Variants in SNX13 observed in about 807,000 individuals in gnomAD.
SNX13 encodes the protein sorting nexin-13.
A neutral mutation model predicts 133.6 loss-of-function variants in SNX13; 45 were observed. The observed-to-expected ratio is 0.34, with a 90% CI of 0.27 to 0.43. The LOEUF is 0.43. Ranked by LOEUF, SNX13 falls within the 20% of genes least tolerant of loss-of-function variation. The pLI is 1.00. For synonymous variants in SNX13, 414 were observed against 373.9 expected, an observed-to-expected ratio of 1.11 and a Z score of -1.24; for missense variants, 1,032 against 1,145.1, an observed-to-expected ratio of 0.90 and a Z score of 1.43.
chr7:17,907,737 G>T (rs913607059), intron 1 of SNX13, among the ~76,000 whole-genome samples: 1 of 152,086 alleles, frequency 6.6e-6, no homozygotes, highest in African/African-American at 2.4e-5. Flanking sequence ...CTGCCATTTT[G>T]ATTAAAGTTG....
chr7:17,838,642 T>C (rs80021976), intron 13 of SNX13, among the ~76,000 whole-genome samples: 1,753 of 152,014 alleles, frequency 0.012, 29 homozygotes, highest in African/African-American at 0.04. Context: ...ATCTCATGAA[T>C]TGATACAATG....
At chr7:17,826,555 C>T (rs1583384684) in intron 16 of SNX13, among the ~76,000 whole-genome samples, 1 of 151,998 alleles carries the variant, frequency 6.6e-6, no homozygotes, top group East Asian at 1.9e-4. Flanking sequence ...GAGAATACTA[C>T]CTAAGTCAGA....
chr7:17,905,098 A>C (rs1211598411), intron 1 of SNX13, among the ~76,000 whole-genome samples: 1 of 152,224 alleles, frequency 6.6e-6, no homozygotes, highest in Non-Finnish European at 1.5e-5. Context: ...TGATGGCTTC[A>C]GATACAATGC....
chr7:17,896,726 T>C (rs758204313), intron 2 of SNX13, among the ~76,000 whole-genome samples: 5 of 152,172 alleles, frequency 3.3e-5, no homozygotes, highest in Admixed American at 6.5e-5. Context: ...TATTTTCTAA[T>C]ATTTCCTTGT....
At chr7:17,934,609 T>C (rs1051495625) in intron 1 of SNX13, among the ~76,000 whole-genome samples, 3 of 152,174 alleles carry the variant, frequency 2.0e-5, no homozygotes, top group Non-Finnish European at 4.4e-5. Flanking sequence ...ACTTTTCCAC[T>C]CCACAACTTG....
intron 1 of SNX13, among the ~76,000 whole-genome samples, chr7:17,908,181 G>A (rs17717199): frequency 0.068 from 10,380 of 152,118 alleles, 488 homozygotes; most frequent in South Asian, 0.15. Context: ...TTATCCTCTT[G>A]GAATTTTTCA....
intron 1 of SNX13, among the ~76,000 whole-genome samples, chr7:17,910,348 T>TG (rs1798829918): frequency 6.6e-6 from 1 of 152,168 alleles, no homozygotes; most frequent in African/African-American, 2.4e-5. Context: ...AAAAATCTGT[T>TG]GCAAAAGATG....
At chr7:17,915,188 C>T (rs745741095) in intron 1 of SNX13, among the ~76,000 whole-genome samples, 2 of 152,204 alleles carry the variant, frequency 1.3e-5, no homozygotes, top group Non-Finnish European at 2.9e-5. Context: ...AATATACACA[C>T]ACCCAACATT....
chr7:17,912,323 C>G (rs888208960), intron 1 of SNX13, among the ~76,000 whole-genome samples: 1 of 152,048 alleles, frequency 6.6e-6, no homozygotes, highest in Non-Finnish European at 1.5e-5. Flanking sequence ...AACACTGACA[C>G]TAAACTGGGA....
chr7:17,864,821 G>T (rs1336887158), intron 9 of SNX13, among the ~76,000 whole-genome samples: 1 of 118,358 alleles, frequency 8.4e-6, no homozygotes, highest in African/African-American at 3.5e-5. Flanking sequence ...AGGGAAGGAG[G>T]AAGAGGAAGA....
intron 1 of SNX13, among the ~76,000 whole-genome samples, chr7:17,913,765 A>C (rs1038598587): frequency 3.5e-5 from 2 of 57,830 alleles, no homozygotes; most frequent in Non-Finnish European, 6.7e-5. Context: ...AAAAACAAAA[A>C]AAAAAAAAAA....
intron 1 of SNX13, among the ~76,000 whole-genome samples, chr7:17,900,751 A>G (rs1335286149): frequency 2.0e-5 from 3 of 152,122 alleles, no homozygotes; most frequent in Non-Finnish European, 4.4e-5. Context: ...ATGCTATACA[A>G]GAGCCAAGGC....
chr7:17,870,889 T>A (rs986688437), intron 8 of SNX13, among the ~76,000 whole-genome samples: 1 of 152,208 alleles, frequency 6.6e-6, no homozygotes, highest in African/African-American at 2.4e-5. Context: ...CAGGGAATTA[T>A]GAGGGAGATA....
chr7:17,935,447 C>T (rs1396644641), intron 1 of SNX13, among the ~76,000 whole-genome samples: 1 of 152,162 alleles, frequency 6.6e-6, no homozygotes, highest in Non-Finnish European at 1.5e-5. Context: ...AATTAAACAA[C>T]TGTCAACAAT....
intron 5 of SNX13, chr7:17,882,182 C>T (rs2128365505): frequency 6.6e-6 from 1 of 152,306 alleles, no homozygotes; most frequent in South Asian, 2.1e-4. Context: ...CCCCTCTTCA[C>T]TTAGCTGTAT....
intron 1 of SNX13, among the ~76,000 whole-genome samples, chr7:17,898,519 G>A (rs1476914533): frequency 6.6e-6 from 1 of 151,974 alleles, no homozygotes; most frequent in Non-Finnish European, 1.5e-5. Context: ...GATACCATAA[G>A]GGATAAAACA....
chr7:17,887,572 AT>A (rs1159077811), intron 5 of SNX13, among the ~76,000 whole-genome samples: 1 of 152,222 alleles, frequency 6.6e-6, no homozygotes, highest in African/African-American at 2.4e-5. Flanking sequence ...TCATAAGGAG[AT>A]ATAAGTTATC....
At chr7:17,871,131 G>A (rs903900647) in intron 8 of SNX13, among the ~76,000 whole-genome samples, 5 of 151,694 alleles carry the variant, frequency 3.3e-5, no homozygotes, top group Middle Eastern at 3.2e-3. Flanking sequence ...TCAGCCTCCC[G>A]AGTAGCTGGG....
intron 11 of SNX13, among the ~76,000 whole-genome samples, chr7:17,848,503 C>A (rs577912905): frequency 3.3e-5 from 5 of 152,206 alleles, no homozygotes; most frequent in Non-Finnish European, 4.4e-5. Flanking sequence ...AAGCCATCCA[C>A]AGACAGCAGA....
Sources: gnomAD v4.1 joint callset for allele counts (sites outside exome capture counted in the v4.1 genomes callset) on GRCh38, gnomAD v4.1.1 for gene constraint, MANE v1.5 for transcripts, NCBI Gene and HGNC (gene_info 2026-07-23, HGNC 2026-07-21) for gene names.